ELAVL4: variants seen among roughly 807,000 people sequenced by gnomAD.
ELAVL4 encodes the protein ELAV like RNA binding protein 4, also known as ELAV-like protein 4.
ELAVL4 carries 1 observed loss-of-function variant against 35.6 expected under a neutral mutation model. The ratio of observed to expected loss-of-function variants is 0.03; its 90% CI spans 0.01 to 0.13. ELAVL4 has a LOEUF of 0.13. ELAVL4 is among the 10% of genes least tolerant of loss of function. The pLI is 1.00. For synonymous variants in ELAVL4, 156 were observed against 171.0 expected (o/e 0.91, Z 0.69); for missense variants, 267 against 464.9 (o/e 0.57, Z 3.91).
At chr1:50,184,168 A>G (rs760110192) in intron 3 of ELAVL4, among the ~76,000 whole-genome samples, 18 of 152,202 alleles carry the variant, frequency 1.2e-4, no homozygotes, top group Non-Finnish European at 5.9e-5. Context: ...ATACAAGGAT[A>G]GGAGTTGGAG....
At chr1:50,078,156 T>C (rs1478722825) in intron 1 of ELAVL4, among the ~76,000 whole-genome samples, 1 of 149,036 alleles carries the variant, frequency 6.7e-6, no homozygotes, top group Non-Finnish European at 1.5e-5. Flanking sequence ...ATAGTATTTG[T>C]GTGTTTATAT....
rs141789335 is a variant in ELAVL4, at chr1:50,114,602, C to T, written c.9+5404C>T. Among the ~76,000 whole-genome samples the T allele has an allele frequency of 2.7e-3, 416 of 152,114 alleles. 3 individuals are homozygous for T. Among genetic ancestry groups the T allele is most frequent in the African/African-American group, 9.3e-3 (388 of 41,504 alleles). On this transcript the variant is annotated intron_variant, in intron 1 of 6. Transcript: ENST00000371824. The stretch of plus-strand genomic sequence containing the variant: ...ACCAACATGTGGGTCTGCATCTTTC[C>T]GGTATAGGAGATAATGAGTGATAAA...
In ELAVL4 at chr1:50,165,885, TC is replaced by T. The variant is rs367712680; in HGVS notation, c.251-11201del. 4.0e-5 allele frequency among the ~76,000 whole-genome samples: 6 copies of T among 151,706 alleles called. 1 individual carries two copies. The highest frequency in any genetic ancestry group is 1.5e-4 in the African/African-American group (6 of 41,304). On this transcript the variant is annotated intron_variant, in intron 2 of 6. Coordinates refer to ENST00000371824, the MANE Select transcript of ELAVL4 (RefSeq NM_001144774.3). ...AGTATTAACATACACAATCACAAGG[TC>T]CCGCAATCGGTTGTCTGCAAGCTGA...
At chr1:50,120,113 G>T (rs1048020841) in intron 1 of ELAVL4, among the ~76,000 whole-genome samples, 1 of 151,140 alleles carries the variant, frequency 6.6e-6, no homozygotes. Context: ...TATTCTAGAT[G>T]CATCCTGGAG....
chr1:50,136,567 A>G lies in ELAVL4; in HGVS notation c.10-8390A>G, dbSNP rs913865072. 4.6e-5 allele frequency among the ~76,000 whole-genome samples: 7 copies of G among 152,172 alleles called. No individual in the cohort carries two copies. In the East Asian group the frequency reaches 1.2e-3, roughly 25 times the overall value. ...TTTTCAAAAATCCTTCCAACATGGT[A>G]AAAGAAAACACCTTTACATACTCAT... is the stretch of plus-strand genomic sequence containing the variant. On this transcript the variant is annotated intron_variant, in intron 1 of 6. Coordinates refer to ENST00000371824, the MANE Select transcript of ELAVL4 (RefSeq NM_001144774.3).
chr1:50,139,473 TATCTGTTGAATTCAAGAAGGGTCTGC>T (rs1177388396), intron 1 of ELAVL4, among the ~76,000 whole-genome samples: 1 of 152,190 alleles, frequency 6.6e-6, no homozygotes, highest in Non-Finnish European at 1.5e-5. Flanking sequence ...TGTTCTCTGG[TATCTGTTGAATTCAAGAAGGGTCTGC>T]TCTTTGTCTT....
intron 1 of ELAVL4, among the ~76,000 whole-genome samples, chr1:50,057,144 G>A (rs1663719735): frequency 6.6e-6 from 1 of 151,740 alleles, no homozygotes; most frequent in African/African-American, 2.4e-5. Context: ...TATGGGCCTA[G>A]GCTACTGTGT....
intron 1 of ELAVL4, among the ~76,000 whole-genome samples, chr1:50,073,335 AATG>A (rs1664616539): frequency 6.6e-6 from 1 of 152,220 alleles, no homozygotes; most frequent in South Asian, 2.1e-4. Flanking sequence ...GGATGGGGAC[AATG>A]ATATTTGACA....
chr1:50,062,491 C>T (rs1442369497), intron 1 of ELAVL4, among the ~76,000 whole-genome samples: 1 of 152,102 alleles, frequency 6.6e-6, no homozygotes, highest in Non-Finnish European at 1.5e-5. Context: ...CCATACCACA[C>T]CCACCTTAAT....
chr1:50,163,752 G>A, intron 2 of ELAVL4, among the ~76,000 whole-genome samples: 1 of 152,158 alleles, frequency 6.6e-6, no homozygotes, highest in East Asian at 1.9e-4. Context: ...CTTGAATACA[G>A]GAAGCAGAGG....
intron 1 of ELAVL4, among the ~76,000 whole-genome samples, chr1:50,122,069 A>G (rs375072768): frequency 6.6e-6 from 1 of 152,162 alleles, no homozygotes; most frequent in African/African-American, 2.4e-5. Context: ...TCTCTATTTT[A>G]TGGACAAGCT....
At chr1:50,101,408 A>G (rs1326536299), upstream of ELAVL4, among the ~76,000 whole-genome samples, 7 of 152,238 alleles carry the variant, frequency 4.6e-5, no homozygotes, top group Non-Finnish European at 1.0e-4. Flanking sequence ...CCTGATTATA[A>G]TAATAGATTA....
intron 1 of ELAVL4, among the ~76,000 whole-genome samples, chr1:50,072,949 G>C (rs1297377130): frequency 1.3e-5 from 2 of 152,186 alleles, no homozygotes; most frequent in Admixed American, 1.3e-4. Flanking sequence ...AACTCTTTGG[G>C]AGGAGAGACA....
chr1:50,135,691 A>G (rs988292703), intron 1 of ELAVL4, among the ~76,000 whole-genome samples: 8 of 152,170 alleles, frequency 5.3e-5, no homozygotes, highest in Non-Finnish European at 1.2e-4. Flanking sequence ...TAGGTCTTTC[A>G]GGTTATTTGT....
At chr1:50,144,608 A>G (rs1673363525) in intron 1 of ELAVL4, 2 of 482,832 alleles carry the variant, frequency 4.1e-6, no homozygotes, top group Non-Finnish European at 4.0e-6. Flanking sequence ...TTTAATCATG[A>G]TTATTACTTT....
chr1:50,176,859 A>G (rs994821445), intron 2 of ELAVL4, among the ~76,000 whole-genome samples: 12 of 152,210 alleles, frequency 7.9e-5, no homozygotes, highest in Non-Finnish European at 1.5e-4. Flanking sequence ...TTTAGCTTGC[A>G]CAGCTCCTAA....
rs117324200 is a variant in ELAVL4, at chr1:50,165,108, G to A, written c.251-11981G>A. ...TTTTTCATACATGTCTTATTCAGCA[G>A]CATGGTAATTCAGATTGAAGAAACT... On this transcript the variant is annotated intron_variant, in intron 2 of 6. Transcript: ENST00000371824. Among the ~76,000 whole-genome samples, 235 of 152,294 alleles carry A rather than the reference G, an allele frequency of 1.5e-3. 1 individual carries two copies. The East Asian group carries it at 0.019, about 12-fold the overall frequency.
chr1:50,086,386 G>A (rs575969054), intron 1 of ELAVL4, among the ~76,000 whole-genome samples: 9 of 151,004 alleles, frequency 6.0e-5, no homozygotes, highest in African/African-American at 1.7e-4. Context: ...TTTCTAGTTT[G>A]GCTTTGAAAA....
At chr1:50,055,550 C>T (rs1019463871) in intron 1 of ELAVL4, among the ~76,000 whole-genome samples, 14 of 152,026 alleles carry the variant, frequency 9.2e-5, no homozygotes, top group East Asian at 1.9e-4. Context: ...CCACCCGCCT[C>T]GGCCTCCCAA....
Sources: gnomAD v4.1 joint callset for allele counts (sites outside exome capture counted in the v4.1 genomes callset) on GRCh38, gnomAD v4.1.1 for gene constraint, MANE v1.5 for transcripts, NCBI Gene and HGNC (gene_info 2026-07-23, HGNC 2026-07-21) for gene names.